RPS6KA6: variants seen among roughly 807,000 people sequenced by gnomAD.
RPS6KA6 encodes ribosomal protein S6 kinase A6, also known as ribosomal protein S6 kinase alpha-6.
In RPS6KA6, 27 loss-of-function variants were observed where a neutral mutation model predicts 65.4. That is an observed-to-expected ratio of 0.41 (90% CI 0.30 to 0.57). The LOEUF (loss-of-function observed/expected upper bound fraction) is 0.57. Among genes scored for constraint, RPS6KA6 ranks in the 20% least tolerant of loss-of-function variants. The pLI is 0.24. For synonymous variants in RPS6KA6, 190 were observed against 184.2 expected (o/e 1.03, Z -0.26); for missense variants, 486 against 555.6 (o/e 0.87, Z 1.26).
At chrX:84,086,050 A>ATTC (rs996092739) in intron 20 of RPS6KA6, among the ~76,000 whole-genome samples, 2 of 108,959 alleles carry the variant, frequency 1.8e-5, no homozygotes, top group Non-Finnish European at 3.8e-5. Flanking sequence ...TGTCTATTTG[A>ATTC]TTCTTCTCTC....
At chrX:84,143,363 T>A (rs2035140872) in intron 6 of RPS6KA6, among the ~76,000 whole-genome samples, 1 of 111,323 alleles carries the variant, frequency 9.0e-6, no homozygotes, top group Admixed American at 9.6e-5. Context: ...TTGGCTAGAC[T>A]GTGGGAAACA....
intron 8 of RPS6KA6, among the ~76,000 whole-genome samples, chrX:84,127,086 C>T (rs1309435303): frequency 9.1e-6 from 1 of 110,384 alleles, no homozygotes; most frequent in East Asian, 2.8e-4. Flanking sequence ...AAACCATTAG[C>T]CAGACTATCA....
intron 5 of RPS6KA6, among the ~76,000 whole-genome samples, chrX:84,146,091 T>G (rs1444345263): frequency 9.0e-6 from 1 of 111,697 alleles, no homozygotes; most frequent in African/African-American, 3.2e-5. Flanking sequence ...ATAAATTTCT[T>G]GAGGTCAAAA....
chrX:84,140,896 T>G (rs1172475596), intron 6 of RPS6KA6, among the ~76,000 whole-genome samples: 2 of 108,955 alleles, frequency 1.8e-5, no homozygotes, highest in Non-Finnish European at 3.8e-5. Context: ...TCCCAAAAGT[T>G]AGAATGAAAA....
At chrX:84,184,917 A>G (rs967003703) in intron 1 of RPS6KA6, among the ~76,000 whole-genome samples, 3 of 110,355 alleles carry the variant, frequency 2.7e-5, no homozygotes, top group African/African-American at 9.9e-5. Context: ...CACGTTTACT[A>G]TGATATGAAA....
chrX:84,120,102 A>G (rs1168685742), intron 8 of RPS6KA6, 75 bp from the exon 9 acceptor site: 1 of 759,529 alleles, frequency 1.3e-6, no homozygotes, highest in African/African-American at 2.2e-5. Flanking sequence ...AAACAAAATA[A>G]TGTATTAAAC....
chrX:84,101,455 A>G (rs1390824087), intron 18 of RPS6KA6, among the ~76,000 whole-genome samples: 2 of 110,388 alleles, frequency 1.8e-5, no homozygotes, highest in African/African-American at 6.6e-5. Flanking sequence ...CTTCACCCTA[A>G]TATTTAGATA....
chrX:84,120,123 T>C, intron 8 of RPS6KA6, 96 bp from the exon 9 acceptor site: 1 of 581,487 alleles, frequency 1.7e-6, no homozygotes. Context: ...ATTACAATTA[T>C]TTATGGATGG....
intron 6 of RPS6KA6, among the ~76,000 whole-genome samples, chrX:84,142,747 T>A (rs1399765643): frequency 9.0e-6 from 1 of 111,548 alleles, no homozygotes; most frequent in Non-Finnish European, 1.9e-5. Flanking sequence ...ATAACTTTGA[T>A]GAAATAGACA....
chrX:84,118,921 T>C (rs1340311414), intron 9 of RPS6KA6, among the ~76,000 whole-genome samples: 1 of 112,053 alleles, frequency 8.9e-6, no homozygotes, highest in African/African-American at 3.2e-5. Context: ...CTTATAGGTT[T>C]ATAGCTTCAC....
chrX:84,098,091 T>C (rs185969039), intron 18 of RPS6KA6, among the ~76,000 whole-genome samples: 5 of 111,380 alleles, frequency 4.5e-5, no homozygotes, highest in Admixed American at 2.9e-4. Context: ...TAATGTATAC[T>C]ATATACAGTA....
rs193033725 is a variant in RPS6KA6, at chrX:84,111,638, G to A, written c.1009-3913C>T. Among the ~76,000 whole-genome samples the A allele has an allele frequency of 2.6e-3, 289 of 111,323 alleles. 2 individuals carry two copies. The highest frequency in any genetic ancestry group is 9.2e-3 in the African/African-American group (281 of 30,635). ...AAGTCATTAACCGAAAAGAAAACAC[G>A]AGAGGAACTTATCACCATTAAACAG... On this transcript the variant is annotated intron_variant, in intron 12 of 21. Transcript: ENST00000262752.
intron 1 of RPS6KA6, among the ~76,000 whole-genome samples, chrX:84,177,095 A>C (rs1180720500): frequency 8.0e-5 from 9 of 111,879 alleles, no homozygotes; most frequent in Non-Finnish European, 1.7e-4. Flanking sequence ...ACAGCTAATC[A>C]AGGAAGAATA....
In RPS6KA6 at chrX:84,119,993, T is replaced by G. The variant is rs1363706785; in HGVS notation, c.681A>C (p.Glu227Asp). The G allele has an allele frequency of 8.4e-7, 1 of 1,191,821 alleles. No individual in the cohort carries two copies. The highest frequency in any genetic ancestry group is 1.8e-5 in the African/African-American group (1 of 56,625). The change falls in exon 9 of 22, where the codon GAA becomes GAC. Residue 227 changes from glutamate (E) to aspartate (D), a missense_variant. Transcript: ENST00000262752. Reference protein sequence around the residue: ...FGLSKESVDQEKKAYSFCGTV... With the variant: ...FGLSKESVDQDKKAYSFCGTV... Reference sequence around the variant, plus strand: ...TACCACAAAATGAGTAAGCCTTCTTTTCTTGATCTACTGACTCCTTGCTGA... The same window carrying G: ...TACCACAAAATGAGTAAGCCTTCTTGTCTTGATCTACTGACTCCTTGCTGA...
chrX:84,084,757 T>C (rs1164598221), intron 20 of RPS6KA6, among the ~76,000 whole-genome samples: 1 of 112,225 alleles, frequency 8.9e-6, no homozygotes, highest in African/African-American at 3.2e-5. Context: ...ATGTCAATGG[T>C]AGTTTAGTGG....
rs754739526 is a variant in RPS6KA6 at position 84,135,172 on chromosome X, T to C, written c.540A>G (p.Ala180=). ...FTEEDVKFYL[A]ELALALDHLH... Reference sequence around the variant, plus strand: ...GATGATCCAAAGCAAGGGCCAGTTCTGCGAGGTAGAATTTCACATCTTCCT... The same window carrying C: ...GATGATCCAAAGCAAGGGCCAGTTCCGCGAGGTAGAATTTCACATCTTCCT... The change falls in exon 7 of 22, where the codon GCA becomes GCG. Residue 180 remains alanine (A), a synonymous_variant. Coordinates refer to ENST00000262752, the MANE Select transcript of RPS6KA6 (RefSeq NM_014496.5). 1 of 1,204,739 alleles carries C rather than the reference T, an allele frequency of 8.3e-7. No homozygotes were observed. Among genetic ancestry groups the C allele is most frequent in the South Asian group, 1.8e-5 (1 of 56,304 alleles).
chrX:84,147,866 A>C lies in RPS6KA6; in HGVS notation c.340+176T>G, dbSNP rs748691355. Reference sequence around the variant, plus strand: ...TTTTTACGGGGGTGCACTCTCACTAAGTTAAGGCATATGCCAATATCAAAT... The same window carrying C: ...TTTTTACGGGGGTGCACTCTCACTACGTTAAGGCATATGCCAATATCAAAT... On this transcript the variant is annotated intron_variant, in intron 4 of 21. Coordinates refer to ENST00000262752, the MANE Select transcript of RPS6KA6 (RefSeq NM_014496.5). Among the ~76,000 whole-genome samples, 7 of 111,856 alleles carry C rather than the reference A, an allele frequency of 6.3e-5. No homozygotes were observed. In the East Asian group the frequency reaches 2.0e-3, roughly 32 times the overall value.
chrX:84,127,205 C>T (rs769466105), intron 8 of RPS6KA6, among the ~76,000 whole-genome samples: 18 of 110,971 alleles, frequency 1.6e-4, no homozygotes, highest in South Asian at 7.6e-4. Flanking sequence ...CTATGAGCAA[C>T]TACATGCCAA....
chrX:84,083,910 C>T (rs2033859958), intron 20 of RPS6KA6, among the ~76,000 whole-genome samples: 1 of 112,170 alleles, frequency 8.9e-6, no homozygotes, highest in African/African-American at 3.2e-5. Flanking sequence ...TAATAATTGC[C>T]ATTCTAACTG....
Sources: gnomAD v4.1 joint callset for allele counts (sites outside exome capture counted in the v4.1 genomes callset) on GRCh38, gnomAD v4.1.1 for gene constraint, MANE v1.5 for transcripts, NCBI Gene and HGNC (gene_info 2026-07-23, HGNC 2026-07-21) for gene names.